Variants in GFI1B observed in about 807,000 individuals in gnomAD.
GFI1B encodes growth factor independent 1B transcriptional repressor, also known as zinc finger protein Gfi-1b.
Under a neutral mutation model 35.3 loss-of-function variants are expected in GFI1B, and 20 were observed. The observed-to-expected ratio is 0.57, with a 90% CI of 0.40 to 0.82. The LOEUF is 0.82. Ranked by LOEUF, GFI1B falls within the 40% of genes least tolerant of loss-of-function variation. The probability of loss-of-function intolerance (pLI) is 0.00; values close to 1 mark genes in which losing one functional copy is unlikely to be tolerated. For missense variants in GFI1B, 430 were observed against 446.3 expected (o/e 0.96, Z 0.33); for synonymous variants, 178 against 177.6 (o/e 1.00, Z -0.02).
intron 1 of GFI1B, chr9:132,953,388 C>CCATGCCTGTAATCCCAGCACTTTGGG (rs1848231720): frequency 6.6e-6 from 1 of 152,148 alleles, no homozygotes; most frequent in Non-Finnish European, 1.5e-5. Context: ...CGTGGTGGCT[C>CCATGCCTGTAATCCCAGCACTTTGGG]CATGCCTGTA....
chr9:132,975,530 A>G (rs1298015777), upstream of GFI1B, among the ~76,000 whole-genome samples: 1 of 152,052 alleles, frequency 6.6e-6, no homozygotes, highest in African/African-American at 2.4e-5. Context: ...TCTTTTGTAT[A>G]CTATGTTTAT....
upstream of GFI1B, among the ~76,000 whole-genome samples, chr9:132,978,270 G>C (rs1427074720): frequency 3.3e-5 from 5 of 150,082 alleles, no homozygotes; most frequent in African/African-American, 1.2e-4. Flanking sequence ...GAGGGAGGAA[G>C]AAAGAAAGGA....
chr9:132,990,885 C>A lies in GFI1B; in HGVS notation c.828C>A (p.His276Gln). The A allele has an allele frequency of 1.2e-6, 2 of 1,614,234 alleles. No homozygotes were observed. Among genetic ancestry groups the A allele is most frequent in the Non-Finnish European group, 1.7e-6 (2 of 1,180,024 alleles). The change falls in exon 7 of 7, where the codon CAC becomes CAA. Residue 276 changes from histidine (H) to glutamine (Q), a missense_variant. Coordinates refer to ENST00000372122, the MANE Select transcript of GFI1B (RefSeq NM_001377304.1). ...CCCTCCCTGCAGGTGAGAAGCCGCA[C>A]AAGTGCCAGGTGTGCGGAAAGGCCT... is the stretch of plus-strand genomic sequence containing the variant. ...HTYIHTGEKP[H>Q]KCQVCGKAFS...
At chr9:132,952,730 C>A (rs1297253226) in intron 1 of GFI1B, 1 of 152,206 alleles carries the variant, frequency 6.6e-6, no homozygotes, top group Non-Finnish European at 1.5e-5. Flanking sequence ...TATTCCCAAT[C>A]TTCAAGGAAA....
chr9:132,986,948 C>T (rs41306720), intron 2 of GFI1B, among the ~76,000 whole-genome samples, 170 bp downstream of exon 2: 4,120 of 152,340 alleles, frequency 0.027, 71 homozygotes, highest in Middle Eastern at 0.099. Flanking sequence ...GAGTGATGCC[C>T]TCATCCCTTC....
At position 132,971,058 on chromosome 9, in the gene GFI1B, A is replaced by T. The variant is rs189060238; in HGVS notation, c.-700-1667A>T. Among the ~76,000 whole-genome samples the T allele has an allele frequency of 2.1e-4, 32 of 152,300 alleles. 1 individual carries two copies. ...TGAATATTTCTGCTGAGAAATAATA[A>T]CTCACTATTTTGCCCAGGCCAGTCT... On this transcript the variant is annotated intron_variant, in intron 1 of 10. Transcript: ENST00000339463.
At chr9:132,973,001 C>A (rs7855836) in intron 2 of GFI1B, among the ~76,000 whole-genome samples, 1 of 152,212 alleles carries the variant, frequency 6.6e-6, no homozygotes, top group East Asian at 1.9e-4. Flanking sequence ...CACCCTTCAG[C>A]GCACTCGCAG....
upstream of GFI1B, among the ~76,000 whole-genome samples, chr9:132,974,603 A>AAG (rs1848594180): frequency 1.3e-5 from 1 of 75,864 alleles, no homozygotes; most frequent in African/African-American, 3.9e-5. Context: ...ATCCGTCTCA[A>AAG]AAAAAAAAAA....
chr9:132,962,959 G>C (rs992409434), intron 1 of GFI1B, among the ~76,000 whole-genome samples: 2 of 148,956 alleles, frequency 1.3e-5, no homozygotes, highest in Non-Finnish European at 3.0e-5. Context: ...GCACCAGCCT[G>C]CAGTCCCAGC....
At chr9:132,972,967 C>T (rs2132611919) in intron 2 of GFI1B, among the ~76,000 whole-genome samples, 1 of 152,330 alleles carries the variant, frequency 6.6e-6, no homozygotes, top group East Asian at 1.9e-4. Flanking sequence ...ACGTTTCCTA[C>T]TTGGCCTGCT....
intron 1 of GFI1B, among the ~76,000 whole-genome samples, chr9:132,968,957 T>C (rs1324723201): frequency 6.6e-6 from 1 of 152,170 alleles, no homozygotes; most frequent in African/African-American, 2.4e-5. Context: ...TCTGTCCCCA[T>C]TAAATACAAA....
rs34125755 is a variant in GFI1B at position 132,979,246 on chromosome 9, C to CTTTTTTT, written c.-21+427_-21+433dup. Among the ~76,000 whole-genome samples the CTTTTTTT allele has an allele frequency of 7.0e-4, 67 of 95,630 alleles. 2 individuals carry two copies. The highest frequency in any genetic ancestry group is 9.1e-4 in the African/African-American group (23 of 25,414). The allele number at this position is 95,630 out of a possible 152,430, so 62.7% of individuals were successfully genotyped here. ...GGACTTGACTAAAGTTCCTGGGACA[C>CTTTTTTT]TTTTTTTTTTTTTTTTTTTTTTTTT... On this transcript the variant is annotated intron_variant, in intron 1 of 6. Coordinates refer to ENST00000372122, the MANE Select transcript of GFI1B (RefSeq NM_001377304.1).
intron 1 of GFI1B, among the ~76,000 whole-genome samples, chr9:132,963,325 C>T (rs1204520514): frequency 2.6e-5 from 4 of 151,934 alleles, no homozygotes; most frequent in African/African-American, 9.7e-5. Flanking sequence ...ACTAAAAATA[C>T]AAAAATTAGT....
chr9:132,962,454 T>TTC (rs1848382041), intron 1 of GFI1B: 4 of 412,138 alleles, frequency 9.7e-6, no homozygotes, highest in South Asian at 6.1e-5. Flanking sequence ...AGATTCTTTC[T>TTC]TCTCTCTCTC....
chr9:132,977,598 G>A (rs146941911), upstream of GFI1B, among the ~76,000 whole-genome samples: 6 of 152,284 alleles, frequency 3.9e-5, no homozygotes, highest in Admixed American at 1.3e-4. Context: ...TGTTTGTGGC[G>A]TTCTCATCTT....
intron 1 of GFI1B, among the ~76,000 whole-genome samples, chr9:132,984,769 C>T (rs1180064648): frequency 1.3e-5 from 2 of 152,164 alleles, no homozygotes; most frequent in African/African-American, 4.8e-5. Context: ...CTGAGCTTGG[C>T]CCCCTGTGCA....
At chr9:132,986,897 G>A (rs1387196573) in intron 2 of GFI1B, 119 bp downstream of exon 2, 2 of 695,582 alleles carry the variant, frequency 2.9e-6, no homozygotes, top group Non-Finnish European at 5.2e-6. Flanking sequence ...GGAAACAGGA[G>A]TGCAGTAACT....
At chr9:132,990,380 C>A (rs1357745489) in intron 6 of GFI1B, among the ~76,000 whole-genome samples, 1 of 152,062 alleles carries the variant, frequency 6.6e-6, no homozygotes, top group Non-Finnish European at 1.5e-5. Context: ...CTCATTCATT[C>A]ATTTGTTCAC....
chr9:132,986,815 C>T lies in GFI1B; in HGVS notation c.100+37C>T, dbSNP rs774367148. The T allele has an allele frequency of 1.0e-5, 13 of 1,285,154 alleles. No homozygotes were observed. The East Asian group carries it at 1.2e-4, about 12-fold the overall frequency. The allele number at this position is 1,285,154 out of a possible 1,614,324, so 79.6% of individuals were successfully genotyped here. Reference sequence around the variant, plus strand: ...CCCGGGCTGGCGCCTGCTGCACCCACGGGGGGCTCTCTGCTCTGCGTGATG... The same window carrying T: ...CCCGGGCTGGCGCCTGCTGCACCCATGGGGGGCTCTCTGCTCTGCGTGATG... On this transcript the variant is annotated intron_variant, in intron 2 of 6. Coordinates refer to ENST00000372122, the MANE Select transcript of GFI1B (RefSeq NM_001377304.1).
Sources: gnomAD v4.1 joint callset for allele counts (sites outside exome capture counted in the v4.1 genomes callset) on GRCh38, gnomAD v4.1.1 for gene constraint, MANE v1.5 for transcripts, NCBI Gene and HGNC (gene_info 2026-07-23, HGNC 2026-07-21) for gene names.